GALNT18: variants seen among roughly 807,000 people sequenced by gnomAD.
The protein encoded by GALNT18 is polypeptide N-acetylgalactosaminyltransferase 18.
GALNT18 carries 44 observed loss-of-function variants against 69.5 expected under a neutral mutation model. The observed-to-expected ratio is 0.63, with a 90% confidence interval of 0.50 to 0.81. The LOEUF is 0.81. Among genes scored for constraint, GALNT18 ranks in the 40% least tolerant of loss-of-function variants. The probability of loss-of-function intolerance (pLI) is 0.00; values close to 1 mark genes in which losing one functional copy is unlikely to be tolerated. For missense variants in GALNT18, 715 were observed against 810.0 expected, an observed-to-expected ratio of 0.88 and a Z score of 1.42; for synonymous variants, 364 against 318.2, an observed-to-expected ratio of 1.14 and a Z score of -1.53.
At chr11:11,351,290 C>T (rs1850396802) in intron 6 of GALNT18, among the ~76,000 whole-genome samples, 1 of 152,156 alleles carries the variant, frequency 6.6e-6, no homozygotes, top group African/African-American at 2.4e-5. Flanking sequence ...GAGCAGAGGG[C>T]AGGAAACCAA....
At chr11:11,483,221 C>T (rs1218335464) in intron 1 of GALNT18, among the ~76,000 whole-genome samples, 1 of 152,172 alleles carries the variant, frequency 6.6e-6, no homozygotes, top group East Asian at 1.9e-4. Context: ...TCCTCCTTTG[C>T]CAGCTCTACT....
intron 3 of GALNT18, among the ~76,000 whole-genome samples, chr11:11,390,567 G>A (rs1854163158): frequency 6.6e-6 from 1 of 152,200 alleles, no homozygotes; most frequent in Non-Finnish European, 1.5e-5. Context: ...TGCTCAGGCT[G>A]TGTGACCAGG....
chr11:11,464,517 G>A (rs141700352), intron 1 of GALNT18, among the ~76,000 whole-genome samples: 58 of 152,256 alleles, frequency 3.8e-4, no homozygotes, highest in African/African-American at 1.4e-3. Flanking sequence ...CTGGTGGGTG[G>A]TTCAGAAAGA....
rs142063535 is a variant in GALNT18 at position 11,591,159 on chromosome 11, CGTGT to C, written c.235+30196_235+30199del. 2.7e-5 allele frequency among the ~76,000 whole-genome samples: 4 copies of C among 149,054 alleles called. No individual in the cohort carries two copies. Among genetic ancestry groups the C allele is most frequent in the South Asian group, 2.2e-4 (1 of 4,638 alleles). ...TGCTGACTCTGTAGGCCTAGGCTAC[CGTGT>C]GTGTGTGTGTGTGTGTGTGTGTTAG... On this transcript the variant is annotated intron_variant, in intron 1 of 10. Transcript: ENST00000227756. The surrounding 1 kb of genome is among the most constrained non-coding windows in gnomAD (Gnocchi z 4.8).
intron 9 of GALNT18, among the ~76,000 whole-genome samples, chr11:11,310,621 C>T (rs11021781): frequency 0.54 from 82,186 of 152,028 alleles, 22,225 homozygotes; most frequent in Middle Eastern, 0.63. Context: ...TAATAGTGCA[C>T]TTTTGAGCAA....
intron 2 of GALNT18, among the ~76,000 whole-genome samples, chr11:11,443,584 C>A (rs1855579603): frequency 6.6e-6 from 1 of 151,382 alleles, no homozygotes; most frequent in Non-Finnish European, 1.5e-5. Context: ...ACAGAGAGAG[C>A]CATAGGACAT....
chr11:11,283,728 A>G (rs1320773520), intron 10 of GALNT18, among the ~76,000 whole-genome samples: 1 of 152,188 alleles, frequency 6.6e-6, no homozygotes, highest in South Asian at 2.1e-4. Context: ...GTAATACTAC[A>G]ACTACATAAT....
intron 9 of GALNT18, among the ~76,000 whole-genome samples, chr11:11,305,807 AT>A (rs1344078489): frequency 6.6e-6 from 1 of 152,200 alleles, no homozygotes; most frequent in Non-Finnish European, 1.5e-5. Context: ...ACCCACCCTT[AT>A]ATCTCTATTA....
chr11:11,485,707 G>A (rs958689360), intron 1 of GALNT18, among the ~76,000 whole-genome samples: 3 of 152,184 alleles, frequency 2.0e-5, no homozygotes, highest in Non-Finnish European at 4.4e-5. Context: ...GACAGCAAAA[G>A]AGGGGAGGAG....
At chr11:11,560,374 A>G (rs61872874) in intron 1 of GALNT18, among the ~76,000 whole-genome samples, 151,572 of 152,264 alleles carry the variant, frequency 1, 75,445 homozygotes, top group Middle Eastern at 1. Context: ...GTTGTGACAA[A>G]ATCTCTTCAA....
At chr11:11,484,076 C>T (rs574093929) in intron 1 of GALNT18, among the ~76,000 whole-genome samples, 1 of 152,232 alleles carries the variant, frequency 6.6e-6, no homozygotes, top group African/African-American at 2.4e-5. Context: ...TTGTCAAGAG[C>T]TCAGTGAGAT....
rs577737365 is a variant in GALNT18 at position 11,468,851 on chromosome 11, G to A, written c.236-19915C>T. 7.2e-5 allele frequency among the ~76,000 whole-genome samples: 11 copies of A among 152,310 alleles called. No individual in the cohort carries two copies. In the East Asian group the frequency reaches 7.7e-4, roughly 11 times the overall value. On this transcript the variant is annotated intron_variant, in intron 1 of 10. Coordinates refer to ENST00000227756, the MANE Select transcript of GALNT18 (RefSeq NM_198516.3). Reference sequence around the variant, plus strand: ...GCTGGAGAAAATGTTATAAACCACCGAAAGAAGGATACAGGAGTCCAACAG... The same window carrying A: ...GCTGGAGAAAATGTTATAAACCACCAAAAGAAGGATACAGGAGTCCAACAG...
intron 1 of GALNT18, among the ~76,000 whole-genome samples, chr11:11,527,122 C>T (rs1030929716): frequency 6.6e-6 from 1 of 152,068 alleles, no homozygotes; most frequent in Non-Finnish European, 1.5e-5. Flanking sequence ...TCTGTACTCC[C>T]TGCATAGTGA....
chr11:11,352,250 C>A, intron 6 of GALNT18: 1 of 1,614,092 alleles, frequency 6.2e-7, no homozygotes, highest in East Asian at 2.2e-5. Context: ...TGACAAGGTG[C>A]TGATTTTCAC....
In GALNT18 at chr11:11,430,130, C is replaced by CA. The variant is rs993479993; in HGVS notation, c.595+2490dup. On this transcript the variant is annotated intron_variant, in intron 3 of 10. Transcript: ENST00000227756. The surrounding 1 kb of genome is among the most constrained non-coding windows in gnomAD (Gnocchi z 4.9). ...TGGGCAACAGAGCAAGACCCTGTCT[C>CA]AAAAAAAACCAAAATAAAAAAAAGA... is the stretch of plus-strand genomic sequence containing the variant. Among the ~76,000 whole-genome samples, 13 of 151,284 alleles carry CA rather than the reference C, an allele frequency of 8.6e-5. No individual in the cohort carries two copies. The highest frequency in any genetic ancestry group is 3.3e-4 in the Admixed American group (5 of 15,188).
At chr11:11,471,611 G>T (rs556553165) in intron 1 of GALNT18, among the ~76,000 whole-genome samples, 1 of 152,276 alleles carries the variant, frequency 6.6e-6, no homozygotes, top group East Asian at 1.9e-4. Flanking sequence ...CCTAATAGAG[G>T]TGATGTATAT....
rs185629243 is a variant in GALNT18 at position 11,562,998 on chromosome 11, C to T, written c.235+58361G>A. Among the ~76,000 whole-genome samples the T allele has an allele frequency of 3.2e-3, 480 of 152,180 alleles. 4 individuals carry two copies. The highest frequency in any genetic ancestry group is 0.029 in the South Asian group (139 of 4,806). ...GCTTCCAACATGTGCTCTTTCTCTC[C>T]GTGCCTTCTACAATTTGCCAACTTG... On this transcript the variant is annotated intron_variant, in intron 1 of 10. Coordinates refer to ENST00000227756, the MANE Select transcript of GALNT18 (RefSeq NM_198516.3). The surrounding 1 kb of genome is among the most constrained non-coding windows in gnomAD (Gnocchi z 4.1).
chr11:11,545,775 T>C (rs1173781305), intron 1 of GALNT18, among the ~76,000 whole-genome samples: 1 of 152,106 alleles, frequency 6.6e-6, no homozygotes, highest in Non-Finnish European at 1.5e-5. Flanking sequence ...CTGAAGAAGC[T>C]CCCTGGGGGA....
At chr11:11,525,995 G>A (rs1857515423) in intron 1 of GALNT18, among the ~76,000 whole-genome samples, 1 of 152,156 alleles carries the variant, frequency 6.6e-6, no homozygotes, top group Admixed American at 6.5e-5. Context: ...TTGGCAATTG[G>A]AAGACACGGA....
Sources: allele counts gnomAD v4.1 joint callset (sites outside exome capture counted in the v4.1 genomes callset), GRCh38; gene constraint gnomAD v4.1.1; non-coding constraint Gnocchi (gnomAD v3.1); transcripts MANE v1.5; gene names NCBI Gene and HGNC (gene_info 2026-07-23, HGNC 2026-07-21).